INPP4B: variants seen among roughly 807,000 people sequenced by gnomAD.
INPP4B encodes the protein inositol polyphosphate 4-phosphatase type II.
A neutral mutation model predicts 122.5 loss-of-function variants in INPP4B; 55 were observed. The ratio of observed to expected loss-of-function variants is 0.45; its 90% confidence interval spans 0.36 to 0.56. The LOEUF (loss-of-function observed/expected upper bound fraction) is 0.56, where lower values mean the gene tolerates loss of function less well. INPP4B is among the 20% of genes least tolerant of loss of function. The pLI, the probability that INPP4B is intolerant of heterozygous loss-of-function variation, is 0.00. For missense variants in INPP4B, 1,000 were observed against 1,097.7 expected (o/e 0.91, Z 1.26); for synonymous variants, 403 against 388.7 (o/e 1.04, Z -0.43).
intron 2 of INPP4B, among the ~76,000 whole-genome samples, chr4:142,578,915 CTTAAAT>C (rs1307368685): frequency 1.3e-5 from 2 of 151,982 alleles, no homozygotes; most frequent in African/African-American, 2.4e-5. Flanking sequence ...TTATAGTCCT[CTTAAAT>C]TTAAGTTCCC....
chr4:142,676,990 AT>A (rs1757908890), intron 2 of INPP4B, among the ~76,000 whole-genome samples: 1 of 152,158 alleles, frequency 6.6e-6, no homozygotes, highest in African/African-American at 2.4e-5. Context: ...ATATTGACAA[AT>A]AGAATATAAT....
intron 25 of INPP4B, among the ~76,000 whole-genome samples, chr4:142,059,331 C>T (rs933062703): frequency 1.3e-4 from 20 of 152,104 alleles, no homozygotes; most frequent in African/African-American, 4.6e-4. Context: ...GTGCCCCATA[C>T]TTTTCTTAGG....
intron 12 of INPP4B, among the ~76,000 whole-genome samples, chr4:142,235,547 G>A (rs1051503670): frequency 3.3e-5 from 5 of 151,904 alleles, no homozygotes; most frequent in Non-Finnish European, 7.4e-5. Context: ...TCAGCCTCCC[G>A]AGTAGCTGGG....
chr4:142,511,664 A>G (rs1032496555), intron 2 of INPP4B, among the ~76,000 whole-genome samples: 1 of 152,206 alleles, frequency 6.6e-6, no homozygotes, highest in East Asian at 1.9e-4. Flanking sequence ...CAACTAAATC[A>G]GAATACTTAG....
intron 8 of INPP4B, among the ~76,000 whole-genome samples, chr4:142,306,229 GTTTTTTTT>G (rs5862582): frequency 7.4e-6 from 1 of 135,904 alleles, no homozygotes; most frequent in East Asian, 2.1e-4. Context: ...ACTCCAAATT[GTTTTTTTT>G]TTTTTTTTTC....
chr4:142,647,630 A>G (rs78401193), intron 2 of INPP4B, among the ~76,000 whole-genome samples: 3,540 of 152,280 alleles, frequency 0.023, 56 homozygotes, highest in Middle Eastern at 0.088. Flanking sequence ...ATTCAAAAAT[A>G]CCTAGCTAGA....
chr4:142,247,118 C>A (rs1419130206), intron 11 of INPP4B, among the ~76,000 whole-genome samples: 1 of 152,178 alleles, frequency 6.6e-6, no homozygotes, highest in Non-Finnish European at 1.5e-5. Flanking sequence ...GTATGTTGAA[C>A]CAGCCTCGCA....
At chr4:142,245,721 T>C (rs1404772702) in intron 11 of INPP4B, among the ~76,000 whole-genome samples, 1 of 151,908 alleles carries the variant, frequency 6.6e-6, no homozygotes, top group Non-Finnish European at 1.5e-5. Context: ...GTTCTAGATG[T>C]GTGGCGTTAT....
intron 1 of INPP4B, among the ~76,000 whole-genome samples, chr4:142,726,206 T>C (rs1295219936): frequency 6.6e-6 from 1 of 152,228 alleles, no homozygotes; most frequent in Non-Finnish European, 1.5e-5. Context: ...GAAAAGGCAT[T>C]AGCTTCCATC....
intron 25 of INPP4B, chr4:142,030,090 G>A: frequency 6.8e-7 from 1 of 1,477,624 alleles, no homozygotes; most frequent in Non-Finnish European, 9.0e-7. Context: ...AAAGTTCATT[G>A]TCATTTGTAG....
chr4:142,552,528 T>C (rs1728221911), intron 2 of INPP4B, among the ~76,000 whole-genome samples: 1 of 152,060 alleles, frequency 6.6e-6, no homozygotes, highest in Non-Finnish European at 1.5e-5. Context: ...ATCAGATTGG[T>C]GATTAGGTAG....
intron 2 of INPP4B, among the ~76,000 whole-genome samples, chr4:142,683,664 G>A (rs76709213): frequency 0.011 from 1,628 of 151,688 alleles, 29 homozygotes; most frequent in African/African-American, 0.038. Flanking sequence ...CAACTCTTGG[G>A]AATGAAGCCA....
At chr4:142,302,667 A>AT in intron 9 of INPP4B, among the ~76,000 whole-genome samples, 1 of 152,274 alleles carries the variant, frequency 6.6e-6, no homozygotes, top group South Asian at 2.1e-4. Context: ...TATCATTCTT[A>AT]TAATATTATC....
At chr4:142,077,070 C>A (rs1268024136) in intron 25 of INPP4B, among the ~76,000 whole-genome samples, 1 of 151,882 alleles carries the variant, frequency 6.6e-6, no homozygotes. Flanking sequence ...AATTATGCTC[C>A]CCCAACAGAT....
intron 7 of INPP4B, among the ~76,000 whole-genome samples, chr4:142,336,706 C>G (rs1313710020): frequency 6.6e-6 from 1 of 152,212 alleles, no homozygotes; most frequent in Non-Finnish European, 1.5e-5. Context: ...CACGTTGGGC[C>G]CAGTCACGGG....
At chr4:142,353,347 A>G (rs1222587773) in intron 7 of INPP4B, among the ~76,000 whole-genome samples, 6 of 152,028 alleles carry the variant, frequency 3.9e-5, no homozygotes, top group African/African-American at 1.4e-4. Context: ...TAGATTTTCT[A>G]AATGCTAAGT....
intron 15 of INPP4B, among the ~76,000 whole-genome samples, chr4:142,182,727 T>C (rs1320058946): frequency 6.6e-6 from 1 of 152,026 alleles, no homozygotes; most frequent in Non-Finnish European, 1.5e-5. Context: ...TGTCTTGGCA[T>C]TTACCCGGTT....
At chr4:142,653,334 C>T (rs1753431529) in intron 2 of INPP4B, among the ~76,000 whole-genome samples, 1 of 152,130 alleles carries the variant, frequency 6.6e-6, no homozygotes, top group Non-Finnish European at 1.5e-5. Flanking sequence ...ATGACTAAGA[C>T]ACCAAAAGCA....
chr4:142,824,314 A>G (rs916433935), intron 1 of INPP4B, among the ~76,000 whole-genome samples: 24 of 150,624 alleles, frequency 1.6e-4, no homozygotes, highest in Non-Finnish European at 2.9e-4. Context: ...CTGTCTATCT[A>G]TCTATCTCTA....
Sources: gnomAD v4.1 joint callset for allele counts (sites outside exome capture counted in the v4.1 genomes callset) on GRCh38, gnomAD v4.1.1 for gene constraint, MANE v1.5 for transcripts, NCBI Gene and HGNC (gene_info 2026-07-23, HGNC 2026-07-21) for gene names.